MALRD1: variants seen among roughly 807,000 people sequenced by gnomAD.
MALRD1 encodes MAM and LDL-receptor class A domain-containing protein 1.
A neutral mutation model predicts 242.1 loss-of-function variants in MALRD1; 247 were observed. That is an observed-to-expected ratio of 1.02 (90% CI 0.92 to 1.13). MALRD1 has a LOEUF of 1.13. MALRD1 is among the 50% of genes most tolerant of loss of function. The pLI is 0.00. For synonymous variants in MALRD1, 995 were observed against 866.6 expected (o/e 1.15, Z -2.60); for missense variants, 2,989 against 2,533.1 (o/e 1.18, Z -3.86).
chr10:19,444,716 A>G (rs976540207), intron 28 of MALRD1, among the ~76,000 whole-genome samples: 1 of 152,134 alleles, frequency 6.6e-6, no homozygotes, highest in Non-Finnish European at 1.5e-5. Context: ...GGGTAACCCA[A>G]CCTTTCTCTC....
intron 36 of MALRD1, among the ~76,000 whole-genome samples, chr10:19,658,512 C>T: frequency 6.6e-6 from 1 of 152,108 alleles, no homozygotes; most frequent in East Asian, 1.9e-4. Context: ...CACACATACA[C>T]ACAAACACAC....
chr10:19,306,666 A>G (rs1055260301), intron 21 of MALRD1, among the ~76,000 whole-genome samples: 5 of 151,216 alleles, frequency 3.3e-5, no homozygotes, highest in African/African-American at 1.2e-4. Context: ...TGATAAAGAC[A>G]TACCCAGGAC....
At chr10:19,086,541 G>A (rs12770826) in intron 2 of MALRD1, among the ~76,000 whole-genome samples, 2,063 of 152,122 alleles carry the variant, frequency 0.014, 35 homozygotes, top group African/African-American at 0.048. Flanking sequence ...GGTTTTATCC[G>A]TACTGCAGTG....
intron 14 of MALRD1, among the ~76,000 whole-genome samples, chr10:19,184,205 T>G (rs984815814): frequency 5.3e-5 from 8 of 152,188 alleles, no homozygotes; most frequent in African/African-American, 1.7e-4. Context: ...ACTAGACAAA[T>G]ACTCTGTATG....
chr10:19,468,845 C>G (rs1836354950), intron 29 of MALRD1, among the ~76,000 whole-genome samples: 1 of 152,116 alleles, frequency 6.6e-6, no homozygotes, highest in African/African-American at 2.4e-5. Flanking sequence ...ATGTTACCCA[C>G]AGCCCTCCAT....
chr10:19,374,639 A>G (rs901116912), intron 26 of MALRD1, among the ~76,000 whole-genome samples: 1 of 152,214 alleles, frequency 6.6e-6, no homozygotes, highest in African/African-American at 2.4e-5. Context: ...CTGAAGGTTT[A>G]TGGAATCAAG....
At chr10:19,444,782 G>A (rs1834872544) in intron 28 of MALRD1, among the ~76,000 whole-genome samples, 1 of 152,104 alleles carries the variant, frequency 6.6e-6, no homozygotes, top group Admixed American at 6.5e-5. Context: ...TGACAATTAT[G>A]TGTCTTGGAG....
At chr10:19,267,965 G>A (rs527822069) in intron 19 of MALRD1, among the ~76,000 whole-genome samples, 1 of 152,050 alleles carries the variant, frequency 6.6e-6, no homozygotes, top group Non-Finnish European at 1.5e-5. Context: ...CAGTTTTATT[G>A]TGTTCTTAGA....
At chr10:19,147,269 G>A (rs192837894) in intron 11 of MALRD1, among the ~76,000 whole-genome samples, 16 of 152,250 alleles carry the variant, frequency 1.1e-4, no homozygotes, top group African/African-American at 3.9e-4. Context: ...CCAAAAATAA[G>A]TATTGATCAT....
intron 31 of MALRD1, among the ~76,000 whole-genome samples, chr10:19,527,422 A>G (rs1258412424): frequency 6.6e-6 from 1 of 152,210 alleles, no homozygotes; most frequent in Non-Finnish European, 1.5e-5. Context: ...ACAAGATTTT[A>G]AATCGGAATT....
chr10:19,247,839 A>G (rs1232502664), intron 18 of MALRD1, among the ~76,000 whole-genome samples: 2 of 152,090 alleles, frequency 1.3e-5, no homozygotes, highest in African/African-American at 4.8e-5. Flanking sequence ...ATAAAAACTT[A>G]ACCGACGTTA....
intron 21 of MALRD1, among the ~76,000 whole-genome samples, chr10:19,296,136 C>G (rs1278254932): frequency 6.6e-6 from 1 of 152,076 alleles, no homozygotes; most frequent in Non-Finnish European, 1.5e-5. Flanking sequence ...AAACAGCCAT[C>G]TATACTAGGC....
At chr10:19,647,061 T>C (rs894995380) in intron 36 of MALRD1, among the ~76,000 whole-genome samples, 7 of 152,160 alleles carry the variant, frequency 4.6e-5, no homozygotes, top group African/African-American at 1.7e-4. Context: ...GAAGTGTTTC[T>C]TAATATGTTT....
chr10:19,205,487 C>A (rs1171483853), intron 17 of MALRD1, among the ~76,000 whole-genome samples: 1 of 150,860 alleles, frequency 6.6e-6, no homozygotes, highest in South Asian at 2.1e-4. Context: ...ATAAATACAA[C>A]TACAGAGTCC....
At chr10:19,338,044 G>C (rs1843685714) in intron 24 of MALRD1, among the ~76,000 whole-genome samples, 1 of 142,378 alleles carries the variant, frequency 7.0e-6, no homozygotes, top group Non-Finnish European at 1.5e-5. Flanking sequence ...CCTGGTGACA[G>C]AGCAAGATTC....
At chr10:19,374,389 C>T (rs898830707) in intron 26 of MALRD1, among the ~76,000 whole-genome samples, 2 of 152,140 alleles carry the variant, frequency 1.3e-5, no homozygotes, top group Non-Finnish European at 2.9e-5. Flanking sequence ...TAAATGTTCA[C>T]ATTAAAAATC....
intron 36 of MALRD1, among the ~76,000 whole-genome samples, chr10:19,619,887 C>T (rs1221963342): frequency 6.6e-6 from 1 of 151,968 alleles, no homozygotes; most frequent in Non-Finnish European, 1.5e-5. Flanking sequence ...GGCTCACCCT[C>T]ACCCTCATAG....
chr10:19,424,872 T>C (rs1052655213), intron 28 of MALRD1, among the ~76,000 whole-genome samples: 3 of 151,778 alleles, frequency 2.0e-5, no homozygotes, highest in African/African-American at 7.3e-5. Flanking sequence ...AAATTCTGAG[T>C]CTCTAGCTGA....
chr10:19,236,177 G>C (rs538015029), intron 18 of MALRD1, among the ~76,000 whole-genome samples: 99 of 152,240 alleles, frequency 6.5e-4, no homozygotes, highest in African/African-American at 2.0e-3. Flanking sequence ...GGATACATGT[G>C]GGCACTGCTT....
Sources: allele counts gnomAD v4.1 joint callset (sites outside exome capture counted in the v4.1 genomes callset), GRCh38; gene constraint gnomAD v4.1.1; transcripts MANE v1.5; gene names NCBI Gene and HGNC (gene_info 2026-07-23, HGNC 2026-07-21).